Variants in TKFC observed in about 807,000 individuals in gnomAD.
TKFC encodes triokinase and FMN cyclase.
TKFC carries 46 observed loss-of-function variants against 61.0 expected under a neutral mutation model. The observed-to-expected ratio is 0.75, with a 90% CI of 0.60 to 0.96. The LOEUF is 0.96. Among genes scored for constraint, TKFC ranks in the 50% least tolerant of loss-of-function variants. The probability of loss-of-function intolerance (pLI) is 0.00; values close to 1 mark genes in which losing one functional copy is unlikely to be tolerated. For synonymous variants in TKFC, 314 were observed against 330.1 expected (o/e 0.95, Z 0.53); for missense variants, 715 against 777.5 (o/e 0.92, Z 0.96).
chr11:61,342,298 G>T lies in TKFC; in HGVS notation c.656-163G>T. The T allele has an allele frequency of 5.6e-6, 5 of 900,592 alleles. No homozygotes were observed. The South Asian group carries it at 7.3e-5, about 13-fold the overall frequency. The allele number at this position is 900,592 out of a possible 1,614,324, so 55.8% of individuals were successfully genotyped here. On this transcript the variant is annotated intron_variant, in intron 7 of 17. Transcript: ENST00000394900. ...AGCTATCTCCACCACCAGGCCACAA[G>T]CTCCCAGAGAACAGAGATCGTGTTT...
Position 61,339,053 on chromosome 11 carries a change from C to T in TKFC, c.194-13C>T, listed in dbSNP as rs2512809. On this transcript the variant is annotated splice_polypyrimidine_tract_variant and intron_variant, in intron 3 of 17. Transcript: ENST00000394900. ...CCCACCCAGCATGCTCACTCCACTC[C>T]TTCCACCTCCAGGTTTCATAGGGAA... The T allele has an allele frequency of 0.95, 1,521,703 of 1,609,966 alleles. 730,866 individuals are homozygous for T. Among genetic ancestry groups the T allele is most frequent in the Non-Finnish European group, 0.98 (1,156,004 of 1,177,914 alleles).
chr11:61,349,672 A>G (rs1272122877), downstream of TKFC: 3 of 702,578 alleles, frequency 4.3e-6, no homozygotes, highest in South Asian at 3.0e-5. Flanking sequence ...CACGGTCACA[A>G]TACATGCAGA....
At chr11:61,341,949 C>G (rs1175948514) in intron 7 of TKFC, 37 bp downstream of exon 7, 1 of 1,588,670 alleles carries the variant, frequency 6.3e-7, no homozygotes, top group Non-Finnish European at 8.6e-7. Context: ...CCTGCCTGCT[C>G]CTTGGCCCTG....
Position 61,339,386 on chromosome 11 carries a change from TGAA to T in TKFC, c.442_444del (p.Lys148del). 1.2e-6 allele frequency: 2 copies of T among 1,613,452 alleles called. No homozygotes were observed. Among genetic ancestry groups the T allele is most frequent in the Non-Finnish European group, 1.7e-6 (2 of 1,179,960 alleles). On this transcript the variant is annotated inframe_deletion, in exon 5 of 18. Coordinates refer to ENST00000394900, the MANE Select transcript of TKFC (RefSeq NM_015533.4). Reference sequence around the variant, plus strand: ...GGGGACGACAGCGCCTTCACTGTCCTGAAGAAGGCAGGCCGGCGGGGGCTGTGC... The same window carrying T: ...GGGGACGACAGCGCCTTCACTGTCCTGAAGGCAGGCCGGCGGGGGCTGTGC...
Position 61,342,737 on chromosome 11 carries a change from T to A in TKFC, c.776-18T>A. ...GACGCCCAGAGGGTCTCACCTGGGG[T>A]GTCATGTCTACCCGCAGGCTCCTCA... On this transcript the variant is annotated intron_variant, in intron 9 of 17. Transcript: ENST00000394900. 6.2e-7 allele frequency: 1 copy of A among 1,613,802 alleles called. No homozygotes were observed. Among genetic ancestry groups the A allele is most frequent in the Non-Finnish European group, 8.5e-7 (1 of 1,179,948 alleles).
At chr11:61,353,191 C>T (rs751648501), downstream of TKFC, 12 of 1,529,648 alleles carry the variant, frequency 7.8e-6, no homozygotes, top group African/African-American at 1.1e-4. Context: ...GACCAAAGCA[C>T]ATCCCACCCC....
At chr11:61,335,994 A>G (rs1856592621) in intron 2 of TKFC, 1 of 152,220 alleles carries the variant, frequency 6.6e-6, no homozygotes. Context: ...GGGTTTCTCC[A>G]TGTTGATCAG....
downstream of TKFC, chr11:61,350,285 G>A: frequency 7.3e-7 from 1 of 1,373,114 alleles, no homozygotes; most frequent in South Asian, 1.3e-5. Context: ...TCTGGGCCCA[G>A]CATTGGAAGA....
At chr11:61,339,948 C>G (rs926698057) in intron 5 of TKFC, among the ~76,000 whole-genome samples, 4 of 152,020 alleles carry the variant, frequency 2.6e-5, no homozygotes, top group African/African-American at 9.7e-5. Flanking sequence ...CCCTGACTCC[C>G]CACCTTCATC....
chr11:61,339,663 G>A (rs975894951), intron 5 of TKFC: 5 of 557,384 alleles, frequency 9.0e-6, no homozygotes, highest in Admixed American at 3.4e-5. Context: ...TCAGTTGCCC[G>A]GTCCTGGTGC....
At chr11:61,352,455 T>C (rs1857460022), downstream of TKFC, 1 of 158,868 alleles carries the variant, frequency 6.3e-6, no homozygotes, top group Non-Finnish European at 1.4e-5. Context: ...AGGTCAGGAG[T>C]CCGAGACCAG....
chr11:61,353,050 G>T, downstream of TKFC: 2 of 1,614,006 alleles, frequency 1.2e-6, no homozygotes, highest in Non-Finnish European at 1.7e-6. Flanking sequence ...AGAGGATGGC[G>T]GCTCCAAAAA....
Position 61,346,730 on chromosome 11 carries a change from A to T in TKFC, c.*227A>T. ...TCTCCAGCATGCCCTTTCCCTTTGCAGGAGGGTGGAGTCCCTGGGTCATGC... is the reference window on the plus strand; with the variant it reads ...TCTCCAGCATGCCCTTTCCCTTTGCTGGAGGGTGGAGTCCCTGGGTCATGC... On this transcript the variant is annotated 3_prime_UTR_variant, in exon 18 of 18. Coordinates refer to ENST00000394900, the MANE Select transcript of TKFC (RefSeq NM_015533.4). This position sits in a 1 kb window ranked among gnomAD's most constrained non-coding sequence, Gnocchi z 4.1. 1 of 1,316,906 alleles carries T rather than the reference A, an allele frequency of 7.6e-7. No individual in the cohort carries two copies. The highest frequency in any genetic ancestry group is 9.7e-7 in the Non-Finnish European group (1 of 1,033,250). The allele number at this position is 1,316,906 out of a possible 1,614,324, so 81.6% of individuals were successfully genotyped here. A position where few individuals can be genotyped will look rare whatever the true frequency, so the allele number is the denominator to read the frequency against.
downstream of TKFC, chr11:61,352,942 T>C (rs938980431): frequency 1.2e-5 from 19 of 1,613,834 alleles, no homozygotes; most frequent in Non-Finnish European, 1.5e-5. Flanking sequence ...AAGACCCTAT[T>C]CCCTCCTCTT....
At chr11:61,350,038 G>A (rs1857324016), downstream of TKFC, 4 of 498,544 alleles carry the variant, frequency 8.0e-6, no homozygotes, top group Non-Finnish European at 1.5e-5. Context: ...GACCTCGTGT[G>A]AATGGAGGAC....
rs747818339 is a variant in TKFC at position 61,339,091 on chromosome 11, T to A, written c.219T>A (p.Thr73=). 6.2e-7 allele frequency: 1 copy of A among 1,613,518 alleles called. No individual in the cohort carries two copies. The highest frequency in any genetic ancestry group is 1.1e-5 in the South Asian group (1 of 91,042). ...HAGFIGKGML[T]GVIAGAVFTS... is the part of the protein sequence containing the mutation. ...GTTTCATAGGGAAGGGGATGCTGACTGGGGTCATCGCGGGAGCTGTGTTCA... is the reference window on the plus strand; with the variant it reads ...GTTTCATAGGGAAGGGGATGCTGACAGGGGTCATCGCGGGAGCTGTGTTCA... The change falls in exon 4 of 18, where the codon ACT becomes ACA. Residue 73 remains threonine (T), a synonymous_variant. Coordinates refer to ENST00000394900, the MANE Select transcript of TKFC (RefSeq NM_015533.4).
chr11:61,353,260 C>T, downstream of TKFC: 3 of 1,293,526 alleles, frequency 2.3e-6, no homozygotes, highest in South Asian at 4.7e-5. Flanking sequence ...CAAACCTTCC[C>T]ACCTGGCATT....
chr11:61,333,700 C>T (rs1191306068), intron 1 of TKFC: 1 of 152,182 alleles, frequency 6.6e-6, no homozygotes, highest in East Asian at 1.9e-4. Flanking sequence ...CAAATTCGAA[C>T]CTCAAACACA....
downstream of TKFC, chr11:61,350,446 G>A: frequency 2.5e-6 from 4 of 1,610,654 alleles, no homozygotes; most frequent in Non-Finnish European, 3.4e-6. Flanking sequence ...CAGATGCCCA[G>A]GAGTTAATGA....
Sources: allele counts gnomAD v4.1 joint callset (sites outside exome capture counted in the v4.1 genomes callset), GRCh38; gene constraint gnomAD v4.1.1; non-coding constraint Gnocchi (gnomAD v3.1); transcripts MANE v1.5; gene names NCBI Gene and HGNC (gene_info 2026-07-23, HGNC 2026-07-21).